Variants in GRM7 observed in about 807,000 individuals in gnomAD.
The protein encoded by GRM7 is glutamate metabotropic receptor 7, also known as metabotropic glutamate receptor 7.
Under a neutral mutation model 84.5 loss-of-function variants are expected in GRM7, and 35 were observed. The ratio of observed to expected loss-of-function variants is 0.41; its 90% CI spans 0.32 to 0.55. The LOEUF (loss-of-function observed/expected upper bound fraction) is 0.55, where lower values mean the gene tolerates loss of function less well. Ranked by LOEUF, GRM7 falls within the 20% of genes least tolerant of loss-of-function variation. The pLI, the probability that GRM7 is intolerant of heterozygous loss-of-function variation, is 0.19. For missense variants in GRM7, 1,003 were observed against 1,194.6 expected, an observed-to-expected ratio of 0.84 and a Z score of 2.36; for synonymous variants, 487 against 455.1, an observed-to-expected ratio of 1.07 and a Z score of -0.89.
intron 2 of GRM7, among the ~76,000 whole-genome samples, chr3:7,264,560 G>C (rs62234919): frequency 1 from 152,284 of 152,288 alleles, 76,140 homozygotes; most frequent in Non-Finnish European, 1. Flanking sequence ...TGCAGGAGTT[G>C]CCAGCTTCTT....
intron 8 of GRM7, chr3:7,607,791 C>G: frequency 7.9e-6 from 1 of 127,186 alleles, no homozygotes; most frequent in African/African-American, 3.0e-5. Context: ...CATACATAAA[C>G]AAGTGTTACA....
intron 1 of GRM7, among the ~76,000 whole-genome samples, chr3:6,871,297 A>G (rs1013991030): frequency 6.6e-6 from 1 of 152,070 alleles, no homozygotes; most frequent in African/African-American, 2.4e-5. Flanking sequence ...TTTAATGACA[A>G]TCAATTCTGA....
At chr3:7,177,780 C>T (rs998505061) in intron 2 of GRM7, among the ~76,000 whole-genome samples, 1 of 152,072 alleles carries the variant, frequency 6.6e-6, no homozygotes. Flanking sequence ...GTGCTTAGGA[C>T]GAAGAGCAAC....
chr3:6,907,744 T>C (rs1406672480), intron 1 of GRM7, among the ~76,000 whole-genome samples: 1 of 152,158 alleles, frequency 6.6e-6, no homozygotes, highest in Non-Finnish European at 1.5e-5. Context: ...AGATAAGTTC[T>C]TTTAGAAACA....
chr3:7,637,893 A>G (rs1180081617), intron 8 of GRM7, among the ~76,000 whole-genome samples: 1 of 152,182 alleles, frequency 6.6e-6, no homozygotes, highest in African/African-American at 2.4e-5. Context: ...GCAGTCACAG[A>G]ATCTGATCTG....
At chr3:6,906,665 C>T (rs1696588497) in intron 1 of GRM7, among the ~76,000 whole-genome samples, 1 of 152,096 alleles carries the variant, frequency 6.6e-6, no homozygotes, top group Non-Finnish European at 1.5e-5. Context: ...GATCTCCCAG[C>T]TGCCTCTTGA....
At chr3:7,300,223 A>G (rs1699950419) in intron 3 of GRM7, among the ~76,000 whole-genome samples, 1 of 152,122 alleles carries the variant, frequency 6.6e-6, no homozygotes, top group Non-Finnish European at 1.5e-5. Flanking sequence ...GTAAAGGTTT[A>G]ATGGCCTGGG....
intron 1 of GRM7, among the ~76,000 whole-genome samples, chr3:6,971,322 A>G (rs1265214335): frequency 6.6e-6 from 1 of 152,236 alleles, no homozygotes; most frequent in East Asian, 1.9e-4. Flanking sequence ...AATTATTTTG[A>G]AACAATTACA....
chr3:7,327,058 C>G (rs958865762), intron 4 of GRM7, among the ~76,000 whole-genome samples: 2 of 152,204 alleles, frequency 1.3e-5, no homozygotes, highest in East Asian at 1.9e-4. Context: ...TGGCACATAA[C>G]AGGTGCTCGA....
At chr3:7,718,488 G>C (rs1441798142) in intron 9 of GRM7, among the ~76,000 whole-genome samples, 3 of 152,174 alleles carry the variant, frequency 2.0e-5, no homozygotes, top group African/African-American at 7.2e-5. Flanking sequence ...CTGCCTCCAG[G>C]AGAGCTCAGA....
At chr3:7,370,739 C>T (rs1159939629) in intron 4 of GRM7, among the ~76,000 whole-genome samples, 1 of 152,170 alleles carries the variant, frequency 6.6e-6, no homozygotes, top group Non-Finnish European at 1.5e-5. Flanking sequence ...CACCCTCCCT[C>T]ATAGAAGAAA....
At chr3:7,430,344 A>G (rs915724199) in intron 5 of GRM7, among the ~76,000 whole-genome samples, 4 of 152,196 alleles carry the variant, frequency 2.6e-5, no homozygotes, top group African/African-American at 9.7e-5. Flanking sequence ...GAGCTGTTAG[A>G]TTTCATACAA....
chr3:7,215,332 G>T (rs1432529299), intron 2 of GRM7, among the ~76,000 whole-genome samples: 1 of 152,092 alleles, frequency 6.6e-6, no homozygotes, highest in Non-Finnish European at 1.5e-5. Context: ...GCTTATCTGT[G>T]ACTCTGTTTC....
At chr3:7,576,238 A>C (rs1694956737) in intron 7 of GRM7, among the ~76,000 whole-genome samples, 1 of 152,152 alleles carries the variant, frequency 6.6e-6, no homozygotes, top group Non-Finnish European at 1.5e-5. Flanking sequence ...TTATTTCCCT[A>C]ATTTTATGAC....
intron 2 of GRM7, among the ~76,000 whole-genome samples, chr3:7,231,064 A>G (rs1697180266): frequency 6.6e-6 from 1 of 152,154 alleles, no homozygotes; most frequent in Admixed American, 6.5e-5. Context: ...GTTATGGGGA[A>G]GGAATTGGGT....
At chr3:7,363,403 C>T (rs1172779833) in intron 4 of GRM7, among the ~76,000 whole-genome samples, 1 of 151,976 alleles carries the variant, frequency 6.6e-6, no homozygotes, top group African/African-American at 2.4e-5. Context: ...ATGTTATTTA[C>T]CATTTGAATC....
chr3:7,135,758 G>A (rs1301240885), intron 1 of GRM7, among the ~76,000 whole-genome samples: 3 of 152,094 alleles, frequency 2.0e-5, no homozygotes, highest in South Asian at 2.1e-4. Flanking sequence ...AATACAAAAA[G>A]GGAGGAAGTT....
At chr3:7,718,644 C>G (rs1028196216) in intron 9 of GRM7, among the ~76,000 whole-genome samples, 1 of 152,134 alleles carries the variant, frequency 6.6e-6, no homozygotes, top group African/African-American at 2.4e-5. Context: ...AAGCCAGAAG[C>G]CACCCAGTCA....
intron 4 of GRM7, among the ~76,000 whole-genome samples, chr3:7,336,339 G>A (rs1427396675): frequency 6.6e-6 from 1 of 151,774 alleles, no homozygotes; most frequent in Non-Finnish European, 1.5e-5. Context: ...GCAAAATCCA[G>A]TATTCCTTTA....
Sources: allele counts gnomAD v4.1 joint callset (sites outside exome capture counted in the v4.1 genomes callset), GRCh38; gene constraint gnomAD v4.1.1; transcripts MANE v1.5; gene names NCBI Gene and HGNC (gene_info 2026-07-23, HGNC 2026-07-21).